TMEM63C: variants seen among roughly 807,000 people sequenced by gnomAD.
The protein encoded by TMEM63C is osmosensitive cation channel TMEM63C.
Under a neutral mutation model 99.2 loss-of-function variants are expected in TMEM63C, and 32 were observed. The observed-to-expected ratio is 0.32, with a 90% CI of 0.24 to 0.43. The LOEUF is 0.43. Ranked by LOEUF, TMEM63C falls within the 20% of genes least tolerant of loss-of-function variation. The pLI, the probability that TMEM63C is intolerant of heterozygous loss-of-function variation, is 1.00. For synonymous variants in TMEM63C, 376 were observed against 397.9 expected (o/e 0.94, Z 0.66); for missense variants, 826 against 1,053.0 (o/e 0.78, Z 2.98).
intron 18 of TMEM63C, 70 bp from the exon 19 acceptor site, chr14:77,248,277 T>TCC (rs1221261715): frequency 7.1e-7 from 1 of 1,404,450 alleles, no homozygotes; most frequent in African/African-American, 1.4e-5. Context: ...CTCCTCTCTC[T>TCC]CCTCCCTTTT....
At chr14:77,236,807 C>G in intron 9 of TMEM63C, 75 bp downstream of exon 9, 4 of 1,009,342 alleles carry the variant, frequency 4.0e-6, no homozygotes, top group Non-Finnish European at 6.3e-6. Context: ...ACTTCCAACC[C>G]TCAGAGAAGC....
intron 13 of TMEM63C, 49 bp from the exon 14 acceptor site, chr14:77,242,298 T>TGCCCCCCCC: frequency 1.4e-6 from 2 of 1,416,892 alleles, no homozygotes; most frequent in Non-Finnish European, 2.0e-6. Flanking sequence ...CCTAAGCCCA[T>TGCCCCCCCC]CCCCCCACCC....
chr14:77,194,523 TTC>T (rs1269992307), intron 1 of TMEM63C, among the ~76,000 whole-genome samples: 34 of 41,118 alleles, frequency 8.3e-4, no homozygotes, highest in African/African-American at 2.8e-3. Flanking sequence ...CTTTCTTTCT[TTC>T]TTTCTTTCTT....
At chr14:77,224,800 C>T (rs1320501334) in intron 5 of TMEM63C, among the ~76,000 whole-genome samples, 1 of 152,102 alleles carries the variant, frequency 6.6e-6, no homozygotes, top group Non-Finnish European at 1.5e-5. Context: ...AGACCTTCCT[C>T]CTTGCAACAC....
At chr14:77,251,547 G>A (rs1252310028) in intron 21 of TMEM63C, among the ~76,000 whole-genome samples, 2 of 152,216 alleles carry the variant, frequency 1.3e-5, no homozygotes, top group Non-Finnish European at 1.5e-5. Flanking sequence ...CATTTAATGG[G>A]CACTGCAGTG....
chr14:77,191,233 T>C (rs1888098503), intron 1 of TMEM63C, among the ~76,000 whole-genome samples: 1 of 152,120 alleles, frequency 6.6e-6, no homozygotes, highest in African/African-American at 2.4e-5. Flanking sequence ...TGACACATAG[T>C]AGTAGATATT....
intron 1 of TMEM63C, among the ~76,000 whole-genome samples, chr14:77,205,186 AG>A (rs955530737): frequency 3.3e-5 from 5 of 152,192 alleles, no homozygotes; most frequent in Non-Finnish European, 5.9e-5. Flanking sequence ...GATGGAAGTG[AG>A]GGGGAAGTTT....
At chr14:77,239,253 C>A (rs995853210) in intron 10 of TMEM63C, among the ~76,000 whole-genome samples, 159 bp from the exon 11 acceptor site, 2 of 152,228 alleles carry the variant, frequency 1.3e-5, no homozygotes, top group Admixed American at 1.3e-4. Flanking sequence ...AAGGTTCAAA[C>A]CCTGAGGTTC....
rs776427285 is a variant in TMEM63C at position 77,251,775 on chromosome 14, C to T, written c.2039-14C>T. On this transcript the variant is annotated splice_polypyrimidine_tract_variant and intron_variant, in intron 21 of 23. Transcript: ENST00000298351. ...GGCAGACTCCTGCCCATGACTTTTT[C>T]TCCTCCTCGGCAGGTTCTCTCCACG... The T allele has an allele frequency of 6.2e-7, 1 of 1,607,810 alleles. No homozygotes were observed. The highest frequency in any genetic ancestry group is 8.5e-7 in the Non-Finnish European group (1 of 1,174,426).
At position 77,220,085 on chromosome 14, in the gene TMEM63C, A is replaced by G; in HGVS notation, c.310A>G (p.Lys104Glu). ...ETSLEMERRD[K>E]GFCSWFFNSI... ...TTCCTTGGAGATGGAACGCAGAGAC[A>G]AGGTGAGTGCTGGGAGCGGTCTGGG... Residue 104 changes from lysine to glutamate, a missense_variant and splice_region_variant, in exon 5 of 24, where the codon AAG becomes GAG. Coordinates refer to ENST00000298351, the MANE Select transcript of TMEM63C (RefSeq NM_020431.4). 6.4e-7 allele frequency: 1 copy of G among 1,556,826 alleles called. No homozygotes were observed.
intron 6 of TMEM63C, among the ~76,000 whole-genome samples, chr14:77,226,717 G>A (rs373097640): frequency 6.6e-6 from 1 of 151,976 alleles, no homozygotes; most frequent in South Asian, 2.1e-4. Flanking sequence ...AGGTTTCATG[G>A]TAAGTGTGGC....
intron 2 of TMEM63C, among the ~76,000 whole-genome samples, chr14:77,215,661 A>G (rs1055033303): frequency 2.6e-5 from 4 of 151,290 alleles, no homozygotes; most frequent in Admixed American, 2.0e-4. Flanking sequence ...AGGACAGAAC[A>G]CTCACTGGCT....
chr14:77,232,088 A>C lies in TMEM63C; in HGVS notation c.493+358A>C, dbSNP rs577979900. 2.0e-5 allele frequency among the ~76,000 whole-genome samples: 3 copies of C among 152,250 alleles called. No individual in the cohort carries two copies. In the East Asian group the frequency reaches 5.8e-4, roughly 29 times the overall value. ...AACCCACTCTGTTGGACATAACACC[A>C]TAGGTGCAGAATTTGTCTTGTAGGA... On this transcript the variant is annotated intron_variant, in intron 7 of 23. Coordinates refer to ENST00000298351, the MANE Select transcript of TMEM63C (RefSeq NM_020431.4).
intron 8 of TMEM63C, 114 bp downstream of exon 8, chr14:77,233,614 G>A: frequency 9.0e-7 from 1 of 1,107,158 alleles, no homozygotes; most frequent in East Asian, 2.6e-5. Flanking sequence ...GAAAGGCCTG[G>A]TTTCCCTGGG....
At chr14:77,214,553 C>T (rs1366610105) in intron 2 of TMEM63C, among the ~76,000 whole-genome samples, 1 of 151,982 alleles carries the variant, frequency 6.6e-6, no homozygotes, top group African/African-American at 2.4e-5. Flanking sequence ...GAGACTCTTC[C>T]TCCCTGCTTT....
intron 1 of TMEM63C, among the ~76,000 whole-genome samples, chr14:77,192,787 AAGG>A (rs913900453): frequency 5.3e-5 from 8 of 151,988 alleles, no homozygotes; most frequent in South Asian, 2.1e-4. Flanking sequence ...GACAAAGACG[AAGG>A]AGGAGGAGGA....
At chr14:77,241,542 A>G (rs1172008592) in intron 13 of TMEM63C, among the ~76,000 whole-genome samples, 1 of 152,200 alleles carries the variant, frequency 6.6e-6, no homozygotes, top group African/African-American at 2.4e-5. Context: ...GATCCTGTAC[A>G]GCACATTGTT....
chr14:77,242,364 A>G lies in TMEM63C; in HGVS notation c.1082A>G (p.Lys361Arg), dbSNP rs1292196327. Residue 361 changes from lysine to arginine, a missense_variant, in exon 14 of 24, where the codon AAG (lysine) becomes AGG (arginine). Lys to Arg is a conservative substitution (Grantham distance 26). Coordinates refer to ENST00000298351, the MANE Select transcript of TMEM63C (RefSeq NM_020431.4). Reference sequence around the variant, plus strand: ...CTCTGCAGTGTCCGTAAGGATTACAAGTATGTCCAGTGTGGTGTGCAACCC... The same window carrying G: ...CTCTGCAGTGTCCGTAAGGATTACAGGTATGTCCAGTGTGGTGTGCAACCC... ...RMAKRVRKDY[K>R]YVQCGVQPQQ... 1.2e-6 allele frequency: 2 copies of G among 1,613,750 alleles called. No individual in the cohort carries two copies. Among genetic ancestry groups the G allele is most frequent in the Non-Finnish European group, 1.7e-6 (2 of 1,179,802 alleles).
At chr14:77,247,156 G>T (rs1889280803) in intron 18 of TMEM63C, among the ~76,000 whole-genome samples, 1 of 152,014 alleles carries the variant, frequency 6.6e-6, no homozygotes, top group Admixed American at 6.6e-5. Context: ...CAGTTATCAA[G>T]ATATTTTAAA....
Sources: allele counts gnomAD v4.1 joint callset (sites outside exome capture counted in the v4.1 genomes callset), GRCh38; gene constraint gnomAD v4.1.1; transcripts MANE v1.5; gene names NCBI Gene and HGNC (gene_info 2026-07-23, HGNC 2026-07-21).